Variants in TNKS1BP1 observed in about 807,000 individuals in gnomAD.
The protein encoded by TNKS1BP1 is CCR4-NOT transcription complex subunit 12, also known as 182 kDa tankyrase-1-binding protein.
A neutral mutation model predicts 141.1 loss-of-function variants in TNKS1BP1; 48 were observed. That is an observed-to-expected ratio of 0.34 (90% CI 0.27 to 0.43). The LOEUF is 0.43. TNKS1BP1 is among the 20% of genes least tolerant of loss of function. The probability of loss-of-function intolerance (pLI) is 1.00; values close to 1 mark genes in which losing one functional copy is unlikely to be tolerated. For synonymous variants in TNKS1BP1, 875 were observed against 898.2 expected, an observed-to-expected ratio of 0.97 and a Z score of 0.46; for missense variants, 2,149 against 2,226.0, an observed-to-expected ratio of 0.97 and a Z score of 0.70.
chr11:57,310,749 A>C (rs1049668199), intron 5 of TNKS1BP1, among the ~76,000 whole-genome samples, 193 bp from the exon 6 acceptor site: 1 of 152,176 alleles, frequency 6.6e-6, no homozygotes, highest in Admixed American at 6.5e-5. Flanking sequence ...GATAATTCCT[A>C]TTGCATGGGG....
In TNKS1BP1 at chr11:57,303,645, A is replaced by G. The variant is rs569159508; in HGVS notation, c.4317-820T>C. 5.3e-5 allele frequency among the ~76,000 whole-genome samples: 8 copies of G among 152,324 alleles called. No individual in the cohort carries two copies. In the East Asian group the frequency reaches 1.5e-3, roughly 29 times the overall value. On this transcript the variant is annotated intron_variant, in intron 6 of 11. Coordinates refer to ENST00000358252, the MANE Select transcript of TNKS1BP1 (RefSeq NM_033396.3). Reference sequence around the variant, plus strand: ...TTTATGCCCCCAGCACCTGACCCAGAGCCTGGCTACGCGCCGGACTAAGCA... The same window carrying G: ...TTTATGCCCCCAGCACCTGACCCAGGGCCTGGCTACGCGCCGGACTAAGCA...
chr11:57,311,414 C>T (rs1267925861), intron 5 of TNKS1BP1: 3 of 985,630 alleles, frequency 3.0e-6, no homozygotes, highest in Non-Finnish European at 3.6e-6. Flanking sequence ...GCCAGCCGGG[C>T]GCAGGGATAG....
intron 4 of TNKS1BP1, among the ~76,000 whole-genome samples, chr11:57,315,882 T>G (rs545887271): frequency 6.6e-6 from 1 of 152,134 alleles, no homozygotes; most frequent in African/African-American, 2.4e-5. Context: ...TGCATCGATT[T>G]TTTTTTCCCT....
chr11:57,306,022 C>G (rs1855604086), intron 6 of TNKS1BP1, among the ~76,000 whole-genome samples: 1 of 151,032 alleles, frequency 6.6e-6, no homozygotes, highest in African/African-American at 2.4e-5. Flanking sequence ...GCCTGTAATC[C>G]CAGCACTTTG....
Position 57,313,381 on chromosome 11 carries a change from G to A in TNKS1BP1, c.1307C>T (p.Pro436Leu), listed in dbSNP as rs955684365. The change falls in exon 5 of 12, where the codon CCC becomes CTC. Residue 436 changes from proline to leucine, a missense_variant. By Grantham distance (98) the Pro-to-Leu change is moderately conservative. Transcript: ENST00000358252. ...RRFSEGVLQS[P>L]SQDQEKLGGS... ...CCCCAGCTTCTCCTGGTCCTGACTG[G>A]GTGACTGGAGCACACCTTCAGAGAA... 4 of 1,612,428 alleles carry A rather than the reference G, an allele frequency of 2.5e-6. No homozygotes were observed. The highest frequency in any genetic ancestry group is 1.3e-5 in the African/African-American group (1 of 74,938).
chr11:57,309,682 C>A lies in TNKS1BP1; in HGVS notation c.3029G>T (p.Gly1010Val). ...CCGGCCAGCATCCCTGCTGCCCTCT[C>A]CAAGGCTGTCTTCCACACTTGGAAT... Reference protein sequence around the residue: ...KKIPSVEDSLGEGSRDAGRPG... With the variant: ...KKIPSVEDSLVEGSRDAGRPG... The change falls in exon 6 of 12, where the codon GGA (glycine) becomes GTA (valine). Residue 1010 changes from glycine to valine, a missense_variant. Transcript: ENST00000358252. This position sits in a 1 kb window ranked among gnomAD's most constrained non-coding sequence, Gnocchi z 4.3. The A allele has an allele frequency of 6.2e-7, 1 of 1,614,222 alleles. No individual in the cohort carries two copies. The highest frequency in any genetic ancestry group is 1.3e-5 in the African/African-American group (1 of 75,062).
Position 57,301,880 on chromosome 11 carries a change from C to T in TNKS1BP1, c.4898G>A (p.Arg1633Gln), listed in dbSNP as rs370582084. ...CTTGGTGCCCAACGACATCCGTGTC[C>T]GGCGGCTCTGAGGTTCCTCCACTAC... is the stretch of plus-strand genomic sequence containing the variant. ...EEVVEEPQSR[R>Q]TRMSLGTKGL... The change falls in exon 9 of 12, where the codon CGG becomes CAG. Residue 1633 changes from arginine (R) to glutamine (Q), a missense_variant. Arg to Gln is a conservative substitution (Grantham distance 43). Transcript: ENST00000358252. 6 of 1,614,152 alleles carry T rather than the reference C, an allele frequency of 3.7e-6. No individual in the cohort carries two copies. The highest frequency in any genetic ancestry group is 1.7e-5 in the Admixed American group (1 of 60,030).
chr11:57,321,744 T>TGG, intron 2 of TNKS1BP1, 48 bp downstream of exon 2: 360 of 1,039,452 alleles, frequency 3.5e-4, no homozygotes, highest in Non-Finnish European at 4.7e-4. Flanking sequence ...CCTCTGTCCT[T>TGG]CCCACCCCCC....
At position 57,308,532 on chromosome 11, in the gene TNKS1BP1, G is replaced by C; in HGVS notation, c.4179C>G (p.Pro1393=). Reference sequence around the variant, plus strand: ...CAACCCCCAGCTCCCTGGCCTCCAAGGGGTCTCTGGCCTCCAGGCCAGGAG... The same window carrying C: ...CAACCCCCAGCTCCCTGGCCTCCAACGGGTCTCTGGCCTCCAGGCCAGGAG... The part of the protein sequence containing the change: ...SLSPGLEARD[P]LEARELGVGE... Residue 1393 remains proline (P), a synonymous_variant, in exon 6 of 12, where the codon CCC becomes CCG. Transcript: ENST00000358252. The C allele has an allele frequency of 1.2e-6, 2 of 1,614,070 alleles. No homozygotes were observed. Among genetic ancestry groups the C allele is most frequent in the Non-Finnish European group, 8.5e-7 (1 of 1,179,992 alleles).
rs766751523 is a variant in TNKS1BP1 at position 57,312,724 on chromosome 11, C to T, written c.1964G>A (p.Arg655Gln). 6.4e-7 allele frequency: 1 copy of T among 1,574,486 alleles called. No individual in the cohort carries two copies. Among genetic ancestry groups the T allele is most frequent in the Non-Finnish European group, 8.6e-7 (1 of 1,158,706 alleles). ...PVEEEAVTLARAETTQARTEA... is the reference protein window; with the variant it reads ...PVEEEAVTLAQAETTQARTEA... Reference sequence around the variant, plus strand: ...TGTCCTGGCTTGGGTGGTCTCAGCCCGGGCTAGGGTCACGGCCTCCTCCTC... The same window carrying T: ...TGTCCTGGCTTGGGTGGTCTCAGCCTGGGCTAGGGTCACGGCCTCCTCCTC... Residue 655 changes from arginine (R) to glutamine (Q), a missense_variant, in exon 5 of 12, where the codon CGG becomes CAG. Transcript: ENST00000358252.
At position 57,301,840 on chromosome 11, in the gene TNKS1BP1, G is replaced by A; in HGVS notation, c.4938C>T (p.Asn1646=). ...MSLGTKGLKV[N]LFPGLSPSAL... The stretch of plus-strand genomic sequence containing the variant: ...CTGAGGGGCTCAGGCCAGGAAAGAG[G>A]TTGACTTTCAGCCCCTTGGTGCCCA... Residue 1646 remains asparagine (N), a synonymous_variant, in exon 9 of 12, where the codon AAC becomes AAT. Transcript: ENST00000358252. 6.2e-7 allele frequency: 1 copy of A among 1,614,142 alleles called. No homozygotes were observed.
In TNKS1BP1 at chr11:57,313,483, CGAGT is replaced by C. The variant is rs1565043838; in HGVS notation, c.1201_1204del (p.Thr401GlyfsTer250). 6.3e-7 allele frequency: 1 copy of C among 1,581,802 alleles called. No individual in the cohort carries two copies. The highest frequency in any genetic ancestry group is 8.6e-7 in the Non-Finnish European group (1 of 1,162,816). ...CTCCTCCCCGCCAGATGGAAACGTC[CGAGT>C]GAGATCCAGCAACTCACCCACCTCG... On this transcript the variant is annotated frameshift_variant, in exon 5 of 12. Coordinates refer to ENST00000358252, the MANE Select transcript of TNKS1BP1 (RefSeq NM_033396.3). LOFTEE classifies it high-confidence loss of function.
intron 1 of TNKS1BP1, among the ~76,000 whole-genome samples, chr11:57,324,313 G>A (rs1855930264): frequency 6.6e-6 from 1 of 152,220 alleles, no homozygotes; most frequent in Non-Finnish European, 1.5e-5. Flanking sequence ...CCAGTGGGGA[G>A]CTCTGGACAC....
rs1280919420 is a variant in TNKS1BP1, at chr11:57,302,184, G to A, written c.4724C>T (p.Ala1575Val). The change falls in exon 8 of 12, where the codon GCC becomes GTC. Residue 1575 changes from alanine to valine, a missense_variant. Coordinates refer to ENST00000358252, the MANE Select transcript of TNKS1BP1 (RefSeq NM_033396.3). This position sits in a 1 kb window ranked among gnomAD's most constrained non-coding sequence, Gnocchi z 5.5. ...GTGCCCACGCTTGCGCCCCAAGTTG[G>A]CACGGCTCCGATACATGGCACTGTC... ...ILDSAMYRSR[A>V]NLGRKRGHRA... 4 of 1,612,878 alleles carry A rather than the reference G, an allele frequency of 2.5e-6. No individual in the cohort carries two copies. Among genetic ancestry groups the A allele is most frequent in the Non-Finnish European group, 3.4e-6 (4 of 1,179,922 alleles).
intron 1 of TNKS1BP1, among the ~76,000 whole-genome samples, chr11:57,323,786 C>T (rs1470634694): frequency 6.6e-6 from 1 of 152,170 alleles, no homozygotes; most frequent in African/African-American, 2.4e-5. Flanking sequence ...TTTCCTTGTC[C>T]TTGAACATTA....
rs1424623653 is a variant in TNKS1BP1 at position 57,324,888 on chromosome 11, T to A, written c.-114A>T. 1 of 990,932 alleles carries A rather than the reference T, an allele frequency of 1.0e-6. No individual in the cohort carries two copies. The highest frequency in any genetic ancestry group is 1.8e-5 in the African/African-American group (1 of 56,772). The allele number at this position is 990,932 out of a possible 1,614,324, so 61.4% of individuals were successfully genotyped here. On this transcript the variant is annotated 5_prime_UTR_variant, in exon 1 of 12. Coordinates refer to ENST00000358252, the MANE Select transcript of TNKS1BP1 (RefSeq NM_033396.3). ...GCTCGGCTCGGGGCCCCGATGCCAG[T>A]CCCCGCCGCCGCCGCCGCTGCTACC... is the stretch of plus-strand genomic sequence containing the variant.
chr11:57,310,361 C>T lies in TNKS1BP1; in HGVS notation c.2350G>A (p.Glu784Lys), dbSNP rs1855686561. The T allele has an allele frequency of 6.2e-7, 1 of 1,613,990 alleles. No individual in the cohort carries two copies. Among genetic ancestry groups the T allele is most frequent in the African/African-American group, 1.3e-5 (1 of 74,922 alleles). ...WTSKYGQGAGEGSTREWASRC... is the reference protein window; with the variant it reads ...WTSKYGQGAGKGSTREWASRC... ...CTGGCCCACTCCCTGGTGCTCCCTTCCCCTGCTCCTTGCCCATACTTGCTG... is the reference window on the plus strand; with the variant it reads ...CTGGCCCACTCCCTGGTGCTCCCTTTCCCTGCTCCTTGCCCATACTTGCTG... Residue 784 changes from glutamate (E) to lysine (K), a missense_variant, in exon 6 of 12, where the codon GAA (glutamate) becomes AAA (lysine). By Grantham distance (56) the Glu-to-Lys change is moderately conservative (BLOSUM62 1). Transcript: ENST00000358252.
At position 57,308,420 on chromosome 11, in the gene TNKS1BP1, C is replaced by T; in HGVS notation, c.4291G>A (p.Gly1431Arg). ...CTTGCTCCGAAGCTGAGGGCTTCTC[C>T]TGTCTCCATTCCAGGGTCTGCAGGG... ...PHPADPGMET[G>R]EALSFGASPG... Residue 1431 changes from glycine (G) to arginine (R), a missense_variant, in exon 6 of 12, where the codon GGA (glycine) becomes AGA (arginine). Physicochemically the swap from Gly to Arg is moderately radical, Grantham distance 125. Transcript: ENST00000358252. 2.5e-6 allele frequency: 4 copies of T among 1,614,050 alleles called. No homozygotes were observed. Among genetic ancestry groups the T allele is most frequent in the Non-Finnish European group, 3.4e-6 (4 of 1,179,944 alleles).
At chr11:57,321,744 T>TGGGG in intron 2 of TNKS1BP1, 48 bp downstream of exon 2, 67 of 1,039,704 alleles carry the variant, frequency 6.4e-5, no homozygotes, top group Non-Finnish European at 8.3e-5. Context: ...CCTCTGTCCT[T>TGGGG]CCCACCCCCC....
Sources: allele counts gnomAD v4.1 joint callset (sites outside exome capture counted in the v4.1 genomes callset), GRCh38; gene constraint gnomAD v4.1.1; non-coding constraint Gnocchi (gnomAD v3.1); transcripts MANE v1.5; gene names NCBI Gene and HGNC (gene_info 2026-07-23, HGNC 2026-07-21).